Variants in SERPINI2 observed in about 807,000 individuals in gnomAD.
The protein encoded by SERPINI2 is serpin I2.
Under a neutral mutation model 47.3 loss-of-function variants are expected in SERPINI2, and 48 were observed. The observed-to-expected ratio is 1.02, with a 90% confidence interval of 0.81 to 1.29. The LOEUF (loss-of-function observed/expected upper bound fraction) is 1.29, where lower values mean the gene tolerates loss of function less well. Among genes scored for constraint, SERPINI2 ranks in the 50% most tolerant of loss-of-function variants. The probability of loss-of-function intolerance (pLI) is 0.00; values close to 1 mark genes in which losing one functional copy is unlikely to be tolerated. For synonymous variants in SERPINI2, 135 were observed against 149.3 expected (o/e 0.90, Z 0.70); for missense variants, 448 against 456.9 (o/e 0.98, Z 0.18).
chr3:167,452,616 T>C (rs1180009760), intron 6 of SERPINI2, among the ~76,000 whole-genome samples: 1 of 150,576 alleles, frequency 6.6e-6, no homozygotes, highest in African/African-American at 2.4e-5. Flanking sequence ...AGACTCAAAG[T>C]TGTAATTCCC....
intron 5 of SERPINI2, among the ~76,000 whole-genome samples, chr3:167,458,498 G>A (rs1471059024): frequency 1.3e-5 from 2 of 150,266 alleles, no homozygotes; most frequent in Non-Finnish European, 3.0e-5. Context: ...TCCTGACCTC[G>A]TGATCTGCCC....
upstream of SERPINI2, among the ~76,000 whole-genome samples, chr3:167,474,868 G>GA (rs374013531): frequency 1.3e-5 from 2 of 151,270 alleles, no homozygotes; most frequent in Non-Finnish European, 3.0e-5. Flanking sequence ...TTTGAGAAGA[G>GA]AAAAAAAATT....
intron 5 of SERPINI2, among the ~76,000 whole-genome samples, chr3:167,453,333 C>T (rs111253269): frequency 9.2e-5 from 14 of 152,194 alleles, no homozygotes; most frequent in African/African-American, 3.4e-4. Context: ...TCTAAGGTCT[C>T]AATTGCTTGG....
intron 5 of SERPINI2, among the ~76,000 whole-genome samples, chr3:167,456,777 G>C (rs189694273): frequency 3.9e-5 from 6 of 152,142 alleles, no homozygotes; most frequent in Non-Finnish European, 7.4e-5. Flanking sequence ...AATTTAATGC[G>C]ATATGATGGG....
chr3:167,467,622 T>G (rs1750177219), intron 2 of SERPINI2, among the ~76,000 whole-genome samples: 1 of 152,220 alleles, frequency 6.6e-6, no homozygotes, highest in Non-Finnish European at 1.5e-5. Context: ...GTTTAGAATC[T>G]TATTTGCATA....
intron 1 of SERPINI2, among the ~76,000 whole-genome samples, chr3:167,473,486 T>C (rs900164386): frequency 6.6e-6 from 1 of 151,778 alleles, no homozygotes; most frequent in African/African-American, 2.4e-5. Context: ...CTTTAAGTTA[T>C]CAACTGGAAA....
chr3:167,445,796 T>A (rs767385919), intron 8 of SERPINI2, among the ~76,000 whole-genome samples: 1 of 152,180 alleles, frequency 6.6e-6, no homozygotes, highest in Non-Finnish European at 1.5e-5. Flanking sequence ...AATCTGAATT[T>A]CCCTGTGTTG....
chr3:167,464,874 T>C (rs144122295), intron 5 of SERPINI2, among the ~76,000 whole-genome samples: 191 of 152,244 alleles, frequency 1.3e-3, no homozygotes, highest in African/African-American at 4.5e-3. Flanking sequence ...AAGAGATAAA[T>C]ATTAAAAATT....
chr3:167,444,664 T>A (rs1267226886), intron 8 of SERPINI2, among the ~76,000 whole-genome samples: 2 of 152,178 alleles, frequency 1.3e-5, no homozygotes, highest in Non-Finnish European at 1.5e-5. Context: ...CAGTCCCTGA[T>A]AAATGAGCGG....
upstream of SERPINI2, among the ~76,000 whole-genome samples, chr3:167,474,681 A>T (rs1432675569): frequency 6.6e-6 from 1 of 151,748 alleles, no homozygotes; most frequent in Non-Finnish European, 1.5e-5. Context: ...AGGTAATTGG[A>T]TGATAAAAAT....
At chr3:167,449,994 T>C (rs971395745) in intron 6 of SERPINI2, among the ~76,000 whole-genome samples, 1 of 152,204 alleles carries the variant, frequency 6.6e-6, no homozygotes, top group African/African-American at 2.4e-5. Flanking sequence ...AGTGAAATAT[T>C]TGAAGGGACA....
At chr3:167,460,738 G>A (rs1276222051) in intron 5 of SERPINI2, among the ~76,000 whole-genome samples, 1 of 152,096 alleles carries the variant, frequency 6.6e-6, no homozygotes, top group Non-Finnish European at 1.5e-5. Flanking sequence ...GGTCCTCAAA[G>A]AGAATAAATT....
At chr3:167,471,295 A>G (rs1392981557) in intron 2 of SERPINI2, among the ~76,000 whole-genome samples, 1 of 152,164 alleles carries the variant, frequency 6.6e-6, no homozygotes, top group Admixed American at 6.5e-5. Flanking sequence ...ATGCACGCCC[A>G]GTATAATCTC....
intron 8 of SERPINI2, among the ~76,000 whole-genome samples, 160 bp downstream of exon 8, chr3:167,446,232 C>A (rs540009181): frequency 6.6e-6 from 1 of 151,558 alleles, no homozygotes; most frequent in Non-Finnish European, 1.5e-5. Context: ...TATTTTAGGC[C>A]TCGGTCATCT....
chr3:167,449,472 A>C, intron 6 of SERPINI2, 70 bp from the exon 7 acceptor site: 1 of 743,212 alleles, frequency 1.3e-6, no homozygotes, highest in Non-Finnish European at 2.1e-6. Flanking sequence ...ATTAGATCTC[A>C]ATTAATTACA....
chr3:167,468,203 G>A (rs1290980579), intron 2 of SERPINI2, among the ~76,000 whole-genome samples: 1 of 151,994 alleles, frequency 6.6e-6, no homozygotes, highest in African/African-American at 2.4e-5. Context: ...TACTGCAAAT[G>A]CCACTTTCAT....
chr3:167,451,627 C>T (rs74756762), intron 6 of SERPINI2, among the ~76,000 whole-genome samples: 8,812 of 152,200 alleles, frequency 0.058, 807 homozygotes, highest in African/African-American at 0.2. Flanking sequence ...TGCACTGGGT[C>T]ATTTTCTTGA....
At chr3:167,464,739 C>T (rs1750084159) in intron 5 of SERPINI2, among the ~76,000 whole-genome samples, 1 of 152,124 alleles carries the variant, frequency 6.6e-6, no homozygotes, top group African/African-American at 2.4e-5. Flanking sequence ...TTTGTACTAA[C>T]TACCTAAAAT....
chr3:167,467,908 T>G (rs1349721776), intron 2 of SERPINI2, among the ~76,000 whole-genome samples: 1 of 152,214 alleles, frequency 6.6e-6, no homozygotes, highest in Non-Finnish European at 1.5e-5. Context: ...TTAACCATTT[T>G]AACTCTAACC....
Sources: allele counts gnomAD v4.1 joint callset (sites outside exome capture counted in the v4.1 genomes callset), GRCh38; gene constraint gnomAD v4.1.1; transcripts MANE v1.5; gene names NCBI Gene and HGNC (gene_info 2026-07-23, HGNC 2026-07-21).